The following GRAMD4 variants were observed in gnomAD, a reference collection of about 807,000 sequenced individuals.
The protein encoded by GRAMD4 is GRAM domain containing 4.
GRAMD4 carries 25 observed loss-of-function variants against 83.9 expected under a neutral mutation model. The ratio of observed to expected loss-of-function variants is 0.30; its 90% confidence interval spans 0.22 to 0.42. The LOEUF (loss-of-function observed/expected upper bound fraction) is 0.42. Ranked by LOEUF, GRAMD4 falls within the 10% of genes least tolerant of loss-of-function variation. The probability of loss-of-function intolerance (pLI) is 1.00; values close to 1 mark genes in which losing one functional copy is unlikely to be tolerated. For missense variants in GRAMD4, 593 were observed against 788.7 expected (o/e 0.75, Z 2.97); for synonymous variants, 336 against 320.9 (o/e 1.05, Z -0.50).
chr22:46,613,516 T>C (rs561249627), intron 1 of GRAMD4, among the ~76,000 whole-genome samples: 1 of 152,226 alleles, frequency 6.6e-6, no homozygotes, highest in African/African-American at 2.4e-5. Context: ...CTGTGGTATG[T>C]GGTGGTTTTG....
Position 46,673,301 on chromosome 22 carries a change from G to A in GRAMD4, c.1239+304G>A, listed in dbSNP as rs1204049064. Among the ~76,000 whole-genome samples the A allele has an allele frequency of 2.0e-5, 3 of 152,356 alleles. 1 individual carries two copies. The South Asian group carries it at 6.2e-4, about 32-fold the overall frequency. ...CTGCCATCCCTGACAGTGAGGCTCT[G>A]GCGCTGAGACCAGGCAGTTTGAGAA... On this transcript the variant is annotated intron_variant, in intron 14 of 18. Transcript: ENST00000406902.
At chr22:46,665,748 T>C (rs761160234) in intron 9 of GRAMD4, 42 bp downstream of exon 9, 1 of 1,021,964 alleles carries the variant, frequency 9.8e-7, no homozygotes, top group Non-Finnish European at 1.6e-6. Context: ...TCCCACCGCA[T>C]GTATGGCTGT....
upstream of GRAMD4, among the ~76,000 whole-genome samples, chr22:46,619,258 G>C (rs990674409): frequency 6.6e-6 from 1 of 152,218 alleles, no homozygotes; most frequent in African/African-American, 2.4e-5. Context: ...CTGTGTGTGT[G>C]CTGGGTCCTT....
At chr22:46,598,930 T>C (rs5769011) in intron 1 of GRAMD4, among the ~76,000 whole-genome samples, 142,651 of 152,076 alleles carry the variant, frequency 0.94, 66,969 homozygotes, top group East Asian at 1. Flanking sequence ...GGAGCCGCCC[T>C]GCACCCAGAG....
At chr22:46,595,613 C>A (rs1010897149) in intron 1 of GRAMD4, among the ~76,000 whole-genome samples, 18 of 152,174 alleles carry the variant, frequency 1.2e-4, no homozygotes, top group African/African-American at 4.1e-4. Flanking sequence ...ATGGGAGGCC[C>A]CTCTTCCTGC....
At chr22:46,578,227 G>C (rs2081064356) in intron 1 of GRAMD4, among the ~76,000 whole-genome samples, 1 of 152,166 alleles carries the variant, frequency 6.6e-6, no homozygotes, top group Admixed American at 6.5e-5. Context: ...ATTCAGAGGT[G>C]TCTCTCCTAC....
downstream of GRAMD4, among the ~76,000 whole-genome samples, chr22:46,682,638 C>A (rs536003384): frequency 3.9e-5 from 6 of 152,372 alleles, no homozygotes; most frequent in South Asian, 1.0e-3. Flanking sequence ...ACATGGACTT[C>A]TTTGCCTTTT....
chr22:46,660,434 G>A (rs2082310239), intron 4 of GRAMD4, among the ~76,000 whole-genome samples: 2 of 151,566 alleles, frequency 1.3e-5, no homozygotes. Context: ...CTGGGTGGCT[G>A]TGGTCTGTCC....
intron 7 of GRAMD4, 74 bp from the exon 8 acceptor site, chr22:46,663,952 C>T (rs2082369809): frequency 1.1e-5 from 17 of 1,574,610 alleles, no homozygotes; most frequent in Middle Eastern, 1.7e-4. Flanking sequence ...TGAGCTGAAC[C>T]GACTCTCCAG....
rs745637312 is a variant in GRAMD4 at position 46,626,836 on chromosome 22, C to T, written c.37C>T (p.His13Tyr). The change falls in exon 2 of 19, where the codon CAC (histidine) becomes TAC (tyrosine). Residue 13 changes from histidine to tyrosine, a missense_variant. Transcript: ENST00000406902. ...RRLDKIRFRG[H>Y]KRDDFLDLAE... ...GTTGGACAAAATCAGGTTCAGAGGT[C>T]ACAAGAGAGATGACTTCCTCGATCT... 13 of 1,613,600 alleles carry T rather than the reference C, an allele frequency of 8.1e-6. No homozygotes were observed. In the African/African-American group the frequency reaches 1.5e-4, roughly 18 times the overall value.
chr22:46,601,511 A>G (rs2081311962), intron 1 of GRAMD4, among the ~76,000 whole-genome samples: 1 of 151,834 alleles, frequency 6.6e-6, no homozygotes, highest in African/African-American at 2.4e-5. Flanking sequence ...TAATTTAAAA[A>G]TTAGATCAGG....
chr22:46,645,640 G>A (rs912453196), intron 3 of GRAMD4, among the ~76,000 whole-genome samples: 4 of 152,160 alleles, frequency 2.6e-5, no homozygotes, highest in African/African-American at 4.8e-5. Flanking sequence ...TGGCCCAAGC[G>A]TGCCGCAGCC....
chr22:46,576,976 C>T (rs2081047589), upstream of GRAMD4, among the ~76,000 whole-genome samples: 1 of 145,424 alleles, frequency 6.9e-6, no homozygotes, highest in African/African-American at 2.5e-5. Flanking sequence ...CCCCGCGGAC[C>T]CCCGAGCCGG....
At chr22:46,591,850 A>AC (rs2081212199) in intron 1 of GRAMD4, among the ~76,000 whole-genome samples, 1 of 149,832 alleles carries the variant, frequency 6.7e-6, no homozygotes, top group South Asian at 2.1e-4. Context: ...AAAAAAAAAA[A>AC]AACCCAGAAA....
At chr22:46,578,889 C>T (rs1292810715) in intron 1 of GRAMD4, among the ~76,000 whole-genome samples, 1 of 152,222 alleles carries the variant, frequency 6.6e-6, no homozygotes, top group Admixed American at 6.5e-5. Flanking sequence ...CTCGAAGCCC[C>T]ACAGTCCTCA....
chr22:46,678,394 C>T lies in GRAMD4; in HGVS notation c.*1143C>T. 2 of 984,076 alleles carry T rather than the reference C, an allele frequency of 2.0e-6. No homozygotes were observed. The highest frequency in any genetic ancestry group is 2.4e-6 in the Non-Finnish European group (2 of 828,712). 61.0% of individuals were successfully genotyped at this position (984,076 alleles called of 1,614,324 possible). A position where few individuals can be genotyped will look rare whatever the true frequency, so the allele number is the denominator to read the frequency against. The stretch of plus-strand genomic sequence containing the variant: ...AGCCGGTGCCGGTCCGGGCACAGAC[C>T]CCCCCAGCCCCCGCCCTGCCCCAGG... On this transcript the variant is annotated 3_prime_UTR_variant, in exon 19 of 19. Transcript: ENST00000406902.
chr22:46,677,302 C>CTTTT lies in GRAMD4; in HGVS notation c.*61_*64dup. On this transcript the variant is annotated 3_prime_UTR_variant, in exon 19 of 19. Coordinates refer to ENST00000406902, the MANE Select transcript of GRAMD4 (RefSeq NM_015124.5). The stretch of plus-strand genomic sequence containing the variant: ...GAATTTTCTTTTTCTTTTTCTTTTT[C>CTTTT]TTTTTTTTTTTTTACGATTTGGTAG... The CTTTT allele has an allele frequency of 3.0e-6, 4 of 1,340,566 alleles. No individual in the cohort carries two copies. Among genetic ancestry groups the CTTTT allele is most frequent in the Admixed American group, 2.6e-5 (1 of 38,482 alleles). 83.0% of individuals were successfully genotyped at this position (1,340,566 alleles called of 1,614,324 possible). A position where few individuals can be genotyped will look rare whatever the true frequency, so the allele number is the denominator to read the frequency against.
At chr22:46,668,607 C>T (rs2082448850) in intron 11 of GRAMD4, 82 bp from the exon 12 acceptor site, 2 of 1,324,708 alleles carry the variant, frequency 1.5e-6, no homozygotes, top group Non-Finnish European at 2.2e-6. Flanking sequence ...GGCTGCCCGA[C>T]CTGGAGGCCC....
intron 1 of GRAMD4, among the ~76,000 whole-genome samples, chr22:46,623,645 C>A (rs146632895): frequency 6.6e-6 from 1 of 152,204 alleles, no homozygotes; most frequent in African/African-American, 2.4e-5. Context: ...ATCCGCCCGC[C>A]CCGGCCTCCC....
Sources: allele counts gnomAD v4.1 joint callset (sites outside exome capture counted in the v4.1 genomes callset), GRCh38; gene constraint gnomAD v4.1.1; transcripts MANE v1.5; gene names NCBI Gene and HGNC (gene_info 2026-07-23, HGNC 2026-07-21).